The following RPE65 variants were observed in gnomAD, a reference collection of about 807,000 sequenced individuals.
RPE65 encodes the protein retinoid isomerohydrolase RPE65, also known as retinoid isomerohydrolase.
Under a neutral mutation model 68.5 loss-of-function variants are expected in RPE65, and 58 were observed. The observed-to-expected ratio is 0.85, with a 90% CI of 0.69 to 1.05. The LOEUF is 1.05. Among genes scored for constraint, RPE65 ranks in the 50% least tolerant of loss-of-function variants. RPE65 has a pLI of 0.00. For missense variants in RPE65, 643 were observed against 629.9 expected (o/e 1.02, Z -0.22); for synonymous variants, 220 against 222.2 (o/e 0.99, Z 0.09).
At chr1:68,443,458 G>T (rs1384403496) in intron 5 of RPE65, among the ~76,000 whole-genome samples, 1 of 152,118 alleles carries the variant, frequency 6.6e-6, no homozygotes, top group Non-Finnish European at 1.5e-5. Context: ...CTAGTCCAAG[G>T]AGATTATTCT....
At chr1:68,433,155 G>C (rs1235040658) in intron 10 of RPE65, among the ~76,000 whole-genome samples, 1 of 152,146 alleles carries the variant, frequency 6.6e-6, no homozygotes, top group African/African-American at 2.4e-5. Context: ...TAAGAACCTT[G>C]AGTTTAAGAG....
chr1:68,444,387 G>A, intron 5 of RPE65, 144 bp downstream of exon 5: 1 of 1,026,288 alleles, frequency 9.7e-7, no homozygotes, highest in Non-Finnish European at 1.5e-6. Context: ...GGCAATCAGT[G>A]CAGTCCATTT....
Position 68,444,682 on chromosome 1 carries a change from C to T in RPE65, c.354-10G>A. On this transcript the variant is annotated splice_polypyrimidine_tract_variant and intron_variant, in intron 4 of 13. Coordinates refer to ENST00000262340, the MANE Select transcript of RPE65 (RefSeq NM_000329.3). ...AAAGTAAGAAAAAAACCTGTAGAAA[C>T]AAATGAATTTTTCAGTCCAGTAATT... The T allele has an allele frequency of 1.2e-6, 2 of 1,613,994 alleles. No individual in the cohort carries two copies. The highest frequency in any genetic ancestry group is 1.7e-6 in the Non-Finnish European group (2 of 1,179,970).
chr1:68,448,782 A>G, intron 1 of RPE65, 76 bp from the exon 2 acceptor site: 1 of 1,138,440 alleles, frequency 8.8e-7, no homozygotes, highest in South Asian at 1.3e-5. Flanking sequence ...GAGCTGCAGG[A>G]GAGAAGGCAC....
chr1:68,449,307 T>C (rs1300210711), intron 1 of RPE65, among the ~76,000 whole-genome samples: 3 of 152,178 alleles, frequency 2.0e-5, no homozygotes, highest in Non-Finnish European at 2.9e-5. Context: ...CCCCAAGACC[T>C]ACAGTACTTT....
chr1:68,441,171 C>T (rs1042342619), intron 5 of RPE65, among the ~76,000 whole-genome samples, 171 bp from the exon 6 acceptor site: 1 of 152,160 alleles, frequency 6.6e-6, no homozygotes, highest in Non-Finnish European at 1.5e-5. Flanking sequence ...CACCTTCATG[C>T]AGAACATAAT....
chr1:68,445,444 A>G (rs1051472552), intron 3 of RPE65, among the ~76,000 whole-genome samples: 3 of 152,082 alleles, frequency 2.0e-5, no homozygotes, highest in Non-Finnish European at 4.4e-5. Context: ...CTTAGAGTAG[A>G]CAGCATACTT....
rs546436424 is a variant in RPE65, at chr1:68,430,957, G to T, written c.1450+108C>A. The T allele has an allele frequency of 1.3e-3, 1,123 of 838,198 alleles. 17 individuals carry two copies. In the South Asian group the frequency reaches 0.014, roughly 11 times the overall value. 51.9% of individuals were successfully genotyped at this position (838,198 alleles called of 1,614,324 possible). On this transcript the variant is annotated intron_variant, in intron 13 of 13. Transcript: ENST00000262340. ...GTACTGCTCTATTTATAGTATTAAG[G>T]ATCGTTTTTGAGTATTACGGAATAA...
At position 68,431,323 on chromosome 1, in the gene RPE65, A is replaced by T. The variant is rs774624260; in HGVS notation, c.1297T>A (p.Tyr433Asn). The change falls in exon 12 of 14, where the codon TAT becomes AAT. Residue 433 changes from tyrosine to asparagine, a missense_variant. Transcript: ENST00000262340. ...TGATTCAAGCCAAGTCCATACGCAT[A>T]TGTGTAAGGTTTCCCACAATACTTC... ...YQKYCGKPYTYAYGLGLNHFV... is the reference protein window; with the variant it reads ...YQKYCGKPYTNAYGLGLNHFV... 6.2e-7 allele frequency: 1 copy of T among 1,614,012 alleles called. No homozygotes were observed. The highest frequency in any genetic ancestry group is 1.7e-5 in the Admixed American group (1 of 59,986).
chr1:68,449,351 A>G (rs1254181236), intron 1 of RPE65, among the ~76,000 whole-genome samples: 1 of 152,160 alleles, frequency 6.6e-6, no homozygotes, highest in Non-Finnish European at 1.5e-5. Flanking sequence ...TTCAGGTTCT[A>G]TATTTTTGTT....
At position 68,438,190 on chromosome 1, in the gene RPE65, G is replaced by T. The variant is rs771869960; in HGVS notation, c.1125C>A (p.Asp375Glu). The T allele has an allele frequency of 1.2e-6, 2 of 1,613,860 alleles. No individual in the cohort carries two copies. Among genetic ancestry groups the T allele is most frequent in the South Asian group, 1.1e-5 (1 of 91,068 alleles). Residue 375 changes from aspartate to glutamate, a missense_variant, in exon 10 of 14, where the codon GAC becomes GAA. By Grantham distance (45) the Asp-to-Glu change is conservative. Transcript: ENST00000262340. ...AATCTACAGAGAAGCAGGTTACCTT[G>T]TCAATATTCAAAGGAAGTACATATC... ...VRRYVLPLNIDKADTGKNLVT... is the reference protein window; with the variant it reads ...VRRYVLPLNIEKADTGKNLVT...
At chr1:68,449,531 A>G (rs1176104189) in intron 1 of RPE65, among the ~76,000 whole-genome samples, 1 of 152,192 alleles carries the variant, frequency 6.6e-6, no homozygotes, top group East Asian at 1.9e-4. Context: ...AACATAATGG[A>G]GTAAAAGCTA....
intron 13 of RPE65, among the ~76,000 whole-genome samples, chr1:68,430,431 C>A (rs534966743): frequency 9.2e-5 from 14 of 152,194 alleles, no homozygotes; most frequent in Admixed American, 6.5e-4. Context: ...TTTACAGCTT[C>A]GACTGGATAT....
At chr1:68,434,974 C>T (rs1446270945) in intron 10 of RPE65, among the ~76,000 whole-genome samples, 1 of 152,180 alleles carries the variant, frequency 6.6e-6, no homozygotes, top group African/African-American at 2.4e-5. Context: ...TTTCCAGATA[C>T]TCAACTGCTT....
intron 5 of RPE65, 29 bp downstream of exon 5, chr1:68,444,502 C>T (rs1645926856): frequency 2.5e-6 from 4 of 1,613,470 alleles, no homozygotes; most frequent in Admixed American, 3.3e-5. Flanking sequence ...ATTCTAAATT[C>T]CTGAACATCA....
intron 10 of RPE65, among the ~76,000 whole-genome samples, chr1:68,437,939 C>T (rs569247008): frequency 3.1e-4 from 47 of 152,168 alleles, no homozygotes; most frequent in Non-Finnish European, 6.2e-4. Flanking sequence ...AATACAAGAA[C>T]GGCAGATTTA....
chr1:68,438,629 T>C (rs1645877610), intron 9 of RPE65, among the ~76,000 whole-genome samples: 1 of 152,172 alleles, frequency 6.6e-6, no homozygotes, highest in South Asian at 2.1e-4. Flanking sequence ...AACGCATGTC[T>C]TTTTCTCCCT....
At chr1:68,441,550 A>G (rs1645902302) in intron 5 of RPE65, among the ~76,000 whole-genome samples, 1 of 152,122 alleles carries the variant, frequency 6.6e-6, no homozygotes, top group Admixed American at 6.6e-5. Flanking sequence ...TTAATTAAAT[A>G]TAAACATTTC....
At position 68,444,618 on chromosome 1, in the gene RPE65, G is replaced by A. The variant is rs373547092; in HGVS notation, c.408C>T (p.Val136=). 2.8e-5 allele frequency: 45 copies of A among 1,614,008 alleles called. No homozygotes were observed. In the African/African-American group the frequency reaches 4.4e-4, roughly 16 times the overall value. The change falls in exon 5 of 14, where the codon GTC becomes GTT. Residue 136 remains valine, a synonymous_variant. Coordinates refer to ENST00000262340, the MANE Select transcript of RPE65 (RefSeq NM_000329.3). ...VEVTDNALVN[V]YPVGEDYYAC... ...CGTAGTAATCTTCCCCCACTGGGTA[G>A]ACATTAACAAGGGCATTGTCAGTAA... is the stretch of plus-strand genomic sequence containing the variant.
Sources: gnomAD v4.1 joint callset for allele counts (sites outside exome capture counted in the v4.1 genomes callset) on GRCh38, gnomAD v4.1.1 for gene constraint, MANE v1.5 for transcripts, NCBI Gene and HGNC (gene_info 2026-07-23, HGNC 2026-07-21) for gene names.